The following FRMD6 variants were observed in gnomAD, a reference collection of about 807,000 sequenced individuals.
FRMD6 encodes FERM domain containing 6.
A neutral mutation model predicts 73.2 loss-of-function variants in FRMD6; 37 were observed. That is an observed-to-expected ratio of 0.51 (90% CI 0.39 to 0.66). The LOEUF (loss-of-function observed/expected upper bound fraction) is 0.66. Ranked by LOEUF, FRMD6 falls within the 30% of genes least tolerant of loss-of-function variation. The probability of loss-of-function intolerance (pLI) is 0.00; values close to 1 mark genes in which losing one functional copy is unlikely to be tolerated. For missense variants in FRMD6, 714 were observed against 780.5 expected, an observed-to-expected ratio of 0.91 and a Z score of 1.02; for synonymous variants, 273 against 282.2, an observed-to-expected ratio of 0.97 and a Z score of 0.33.
At chr14:51,460,429 G>A in the FRMD6 span, among the ~76,000 whole-genome samples, 2 of 152,134 alleles carry the variant, frequency 1.3e-5, no homozygotes, top group Non-Finnish European at 2.9e-5. Flanking sequence ...TTATGTGCAT[G>A]CATGCTTTTA....
At chr14:51,649,615 C>G (rs1892241472), upstream of FRMD6, 1 of 152,022 alleles carries the variant, frequency 6.6e-6, no homozygotes, top group African/African-American at 2.4e-5. Context: ...AAGACCTTAC[C>G]AAGTAGTATA....
At chr14:51,425,409 C>T in the FRMD6 span, among the ~76,000 whole-genome samples, 1 of 152,086 alleles carries the variant, frequency 6.6e-6, no homozygotes, top group Non-Finnish European at 1.5e-5. Context: ...ATCTTCCATC[C>T]CTCTCCTTGG....
chr14:51,438,692 C>T, the FRMD6 span, among the ~76,000 whole-genome samples: 3 of 152,160 alleles, frequency 2.0e-5, no homozygotes, highest in African/African-American at 7.2e-5. Context: ...ATTTGGGATA[C>T]CAGAATGCTC....
At chr14:51,661,729 G>T (rs535293680) in intron 1 of FRMD6, among the ~76,000 whole-genome samples, 4 of 152,230 alleles carry the variant, frequency 2.6e-5, no homozygotes, top group Non-Finnish European at 5.9e-5. Flanking sequence ...GGAGTCATTG[G>T]TGATGATGAC....
the FRMD6 span, among the ~76,000 whole-genome samples, chr14:51,439,313 T>G: frequency 1.2e-4 from 18 of 152,310 alleles, no homozygotes; most frequent in Middle Eastern, 0.02. Context: ...AAAGATTTTT[T>G]GGGGGAAAGA....
intron 2 of FRMD6, among the ~76,000 whole-genome samples, chr14:51,596,477 T>C (rs1179362313): frequency 1.3e-5 from 2 of 152,148 alleles, no homozygotes; most frequent in African/African-American, 2.4e-5. Flanking sequence ...TGTTCATTGC[T>C]CTCTCTGCCT....
At chr14:51,722,378 A>G (rs376315558) in intron 12 of FRMD6, among the ~76,000 whole-genome samples, 3 of 152,340 alleles carry the variant, frequency 2.0e-5, no homozygotes, top group East Asian at 1.9e-4. Flanking sequence ...CATATAATGT[A>G]TCTGGAAGGC....
chr14:51,569,343 G>A (rs1470053636), intron 1 of FRMD6, among the ~76,000 whole-genome samples: 2 of 151,968 alleles, frequency 1.3e-5, no homozygotes, highest in African/African-American at 4.8e-5. Context: ...AAAAAGAAAC[G>A]GTAACCAAAA....
chr14:51,627,730 G>A (rs183509388), intron 2 of FRMD6, among the ~76,000 whole-genome samples: 5 of 152,188 alleles, frequency 3.3e-5, no homozygotes, highest in African/African-American at 9.6e-5. Context: ...CCTGTTACCC[G>A]ACCTGCTTCT....
At chr14:51,548,767 C>G (rs1886613904) in intron 1 of FRMD6, among the ~76,000 whole-genome samples, 1 of 152,128 alleles carries the variant, frequency 6.6e-6, no homozygotes, top group South Asian at 2.1e-4. Flanking sequence ...AGAGGAATAA[C>G]TCTTTCTGGT....
the FRMD6 span, among the ~76,000 whole-genome samples, chr14:51,429,987 TTGACTTTC>T: frequency 2.0e-5 from 3 of 152,208 alleles, no homozygotes; most frequent in East Asian, 5.8e-4. Flanking sequence ...CCTCAGGCAC[TTGACTTTC>T]TGAGGATGTA....
rs1290770168 is a variant in FRMD6, at chr14:51,552,279, C to T, written c.-209-18069C>T. The stretch of plus-strand genomic sequence containing the variant: ...CTGTCATAACTTTTCATTTTAGAAC[C>T]GCACAGTGATTTAGCGTTGAATCCT... On this transcript the variant is annotated intron_variant, in intron 1 of 14. Coordinates refer to the FRMD6 transcript ENST00000356218. Among the ~76,000 whole-genome samples, 4 of 152,254 alleles carry T rather than the reference C, an allele frequency of 2.6e-5. No individual in the cohort carries two copies. The East Asian group carries it at 7.7e-4, about 29-fold the overall frequency.
At chr14:51,666,843 T>G (rs1199545107) in intron 1 of FRMD6, among the ~76,000 whole-genome samples, 1 of 152,154 alleles carries the variant, frequency 6.6e-6, no homozygotes, top group East Asian at 1.9e-4. Flanking sequence ...GGCTAGAAAT[T>G]TCAGATATTA....
At chr14:51,484,003 T>G in the FRMD6 span, among the ~76,000 whole-genome samples, 2 of 152,228 alleles carry the variant, frequency 1.3e-5, no homozygotes. Flanking sequence ...ATGAAGAGTG[T>G]GTGCTATTTC....
intron 2 of FRMD6, among the ~76,000 whole-genome samples, chr14:51,586,016 T>C (rs912766918): frequency 4.8e-5 from 7 of 146,664 alleles, no homozygotes; most frequent in African/African-American, 1.7e-4. Flanking sequence ...TCCATGATTT[T>C]GCTATTGTGA....
chr14:51,453,874 AT>A, the FRMD6 span, among the ~76,000 whole-genome samples: 1 of 152,150 alleles, frequency 6.6e-6, no homozygotes, highest in Non-Finnish European at 1.5e-5. Flanking sequence ...ACGTCAAGCC[AT>A]TTTTTTCCAA....
chr14:51,558,851 T>G (rs2139491084), intron 1 of FRMD6, among the ~76,000 whole-genome samples: 1 of 152,316 alleles, frequency 6.6e-6, no homozygotes, highest in South Asian at 2.1e-4. Context: ...CTATCACTGG[T>G]GTCTGTACCT....
the FRMD6 span, among the ~76,000 whole-genome samples, chr14:51,457,823 C>T: frequency 2.0e-4 from 30 of 152,232 alleles, no homozygotes; most frequent in East Asian, 1.4e-3. Flanking sequence ...GAGGCTGTGA[C>T]GGTGTGTTTT....
intron 7 of FRMD6, among the ~76,000 whole-genome samples, chr14:51,711,062 A>C (rs2140518570): frequency 6.6e-6 from 1 of 152,310 alleles, no homozygotes; most frequent in Non-Finnish European, 1.5e-5. Context: ...CAGAGCTGGA[A>C]GATGTGCCCA....
Sources: allele counts gnomAD v4.1 joint callset (sites outside exome capture counted in the v4.1 genomes callset), GRCh38; gene constraint gnomAD v4.1.1; transcripts MANE v1.5; gene names NCBI Gene and HGNC (gene_info 2026-07-23, HGNC 2026-07-21).